The following MICU1 variants were observed in gnomAD, a reference collection of about 807,000 sequenced individuals.
MICU1 encodes the protein mitochondrial calcium uptake 1, also known as calcium uptake protein 1, mitochondrial.
Under a neutral mutation model 56.8 loss-of-function variants are expected in MICU1, and 45 were observed. That is an observed-to-expected ratio of 0.79 (90% CI 0.62 to 1.02). The LOEUF (loss-of-function observed/expected upper bound fraction) is 1.02, where lower values mean the gene tolerates loss of function less well. MICU1 is among the 50% of genes least tolerant of loss of function. The probability of loss-of-function intolerance (pLI) is 0.00; values close to 1 mark genes in which losing one functional copy is unlikely to be tolerated. For missense variants in MICU1, 504 were observed against 587.1 expected (o/e 0.86, Z 1.46); for synonymous variants, 186 against 195.1 (o/e 0.95, Z 0.39).
intron 6 of MICU1, among the ~76,000 whole-genome samples, chr10:72,492,261 T>C (rs1866681698): frequency 6.6e-6 from 1 of 152,132 alleles, no homozygotes; most frequent in African/African-American, 2.4e-5. Flanking sequence ...TCATTCTCGC[T>C]GCTGTATTGC....
At chr10:72,381,853 C>T (rs1217795167) in intron 10 of MICU1, among the ~76,000 whole-genome samples, 1 of 151,926 alleles carries the variant, frequency 6.6e-6, no homozygotes, top group Non-Finnish European at 1.5e-5. Context: ...ACATCTTTTC[C>T]ACAAAGGGCT....
At chr10:72,456,073 T>G (rs1422112205) in intron 8 of MICU1, among the ~76,000 whole-genome samples, 1 of 152,150 alleles carries the variant, frequency 6.6e-6, no homozygotes, top group Non-Finnish European at 1.5e-5. Context: ...TCAAAGCTAA[T>G]GAATCATGTG....
rs529064288 is a variant in MICU1 at position 72,524,751 on chromosome 10, T to A, written c.537+8995A>T. The A allele has an allele frequency of 2.1e-5, 26 of 1,231,580 alleles. No homozygotes were observed. The Admixed American group carries it at 3.4e-4, about 16-fold the overall frequency. 76.3% of individuals were successfully genotyped at this position (1,231,580 alleles called of 1,614,324 possible). A position where few individuals can be genotyped will look rare whatever the true frequency, so the allele number is the denominator to read the frequency against. Reference sequence around the variant, plus strand: ...AGTCAGTACCTGCCAGAAATCCTAATCAGAAGATGAGAAAAAGAAAAAACA... The same window carrying A: ...AGTCAGTACCTGCCAGAAATCCTAAACAGAAGATGAGAAAAAGAAAAAACA... On this transcript the variant is annotated intron_variant, in intron 5 of 11. Transcript: ENST00000361114.
At chr10:72,427,753 T>A (rs202172102) in intron 8 of MICU1, among the ~76,000 whole-genome samples, 1 of 28,162 alleles carries the variant, frequency 3.6e-5, no homozygotes, top group Non-Finnish European at 1.4e-4. Context: ...TATATATATA[T>A]ATATATATAT....
intron 1 of MICU1, among the ~76,000 whole-genome samples, chr10:72,577,180 G>A (rs953972952): frequency 3.3e-5 from 5 of 151,958 alleles, no homozygotes; most frequent in African/African-American, 1.2e-4. Flanking sequence ...TGGGGGCTCT[G>A]GGGGGACAGG....
intron 6 of MICU1, among the ~76,000 whole-genome samples, chr10:72,496,513 G>T (rs1045052225): frequency 6.6e-6 from 1 of 152,152 alleles, no homozygotes; most frequent in African/African-American, 2.4e-5. Context: ...TGTTGGCCAG[G>T]CTGGTCTTGA....
At chr10:72,384,675 T>C (rs1450245380) in intron 10 of MICU1, among the ~76,000 whole-genome samples, 1 of 152,204 alleles carries the variant, frequency 6.6e-6, no homozygotes, top group African/African-American at 2.4e-5. Flanking sequence ...TGACTTTAAA[T>C]TTGGGAAAAT....
At chr10:72,418,336 A>G (rs1247800356) in intron 9 of MICU1, among the ~76,000 whole-genome samples, 2 of 152,182 alleles carry the variant, frequency 1.3e-5, no homozygotes, top group Non-Finnish European at 2.9e-5. Flanking sequence ...ATTGATTTGA[A>G]GAGGGCCCAA....
chr10:72,501,091 T>C (rs915113604), intron 6 of MICU1, among the ~76,000 whole-genome samples: 4 of 152,194 alleles, frequency 2.6e-5, no homozygotes, highest in African/African-American at 9.6e-5. Context: ...AGAATGAATC[T>C]GAATTCATTT....
chr10:72,399,687 G>A (rs995241344), intron 10 of MICU1, among the ~76,000 whole-genome samples: 1 of 152,068 alleles, frequency 6.6e-6, no homozygotes, highest in African/African-American at 2.4e-5. Context: ...TTGAGGCCGG[G>A]TGCAGTGGCT....
At chr10:72,477,128 A>T in intron 7 of MICU1, 46 bp downstream of exon 7, 10 of 1,389,882 alleles carry the variant, frequency 7.2e-6, no homozygotes, top group Non-Finnish European at 8.8e-6. Flanking sequence ...ATGAAAATGT[A>T]TTTTAAATAT....
intron 8 of MICU1, chr10:72,473,235 C>G (rs1866002457): frequency 6.6e-6 from 1 of 151,178 alleles, no homozygotes; most frequent in Admixed American, 6.6e-5. Flanking sequence ...AGTCATTTAC[C>G]CAATTTTTAG....
chr10:72,567,502 G>A (rs944056509), intron 1 of MICU1, among the ~76,000 whole-genome samples: 3 of 152,242 alleles, frequency 2.0e-5, no homozygotes, highest in Admixed American at 2.0e-4. Context: ...AGATCAGACT[G>A]TGTGGAGAGG....
At chr10:72,593,311 A>G (rs927502987) in intron 1 of MICU1, among the ~76,000 whole-genome samples, 1 of 152,062 alleles carries the variant, frequency 6.6e-6, no homozygotes, top group Non-Finnish European at 1.5e-5. Flanking sequence ...ATAAAGAAAC[A>G]AAAAGCAGCC....
At chr10:72,617,010 T>TTAC (rs1564514858) in intron 1 of MICU1, among the ~76,000 whole-genome samples, 1 of 152,210 alleles carries the variant, frequency 6.6e-6, no homozygotes, top group Non-Finnish European at 1.5e-5. Context: ...CTTTCAGGGA[T>TTAC]TACTCTCCTT....
intron 5 of MICU1, among the ~76,000 whole-genome samples, chr10:72,513,479 C>T (rs1867548353): frequency 6.6e-6 from 1 of 152,182 alleles, no homozygotes; most frequent in Non-Finnish European, 1.5e-5. Flanking sequence ...ATAGACATAT[C>T]TGCAAATATT....
At chr10:72,532,831 A>C (rs989660761) in intron 5 of MICU1, 1 of 984,402 alleles carries the variant, frequency 1.0e-6, no homozygotes, top group Non-Finnish European at 1.2e-6. Context: ...ATCTTAAGGC[A>C]GCTACTCATT....
intron 4 of MICU1, among the ~76,000 whole-genome samples, chr10:72,548,881 G>C (rs1839960481): frequency 6.6e-6 from 1 of 152,138 alleles, no homozygotes; most frequent in Non-Finnish European, 1.5e-5. Context: ...ATTTTTATTA[G>C]AGACAGGGTT....
intron 1 of MICU1, among the ~76,000 whole-genome samples, chr10:72,602,187 C>A (rs1589381768): frequency 6.6e-6 from 1 of 151,658 alleles, no homozygotes; most frequent in East Asian, 1.9e-4. Context: ...CACGGTGGCT[C>A]TCTCCCAAAT....
Sources: gnomAD v4.1 joint callset for allele counts (sites outside exome capture counted in the v4.1 genomes callset) on GRCh38, gnomAD v4.1.1 for gene constraint, MANE v1.5 for transcripts, NCBI Gene and HGNC (gene_info 2026-07-23, HGNC 2026-07-21) for gene names.